MRO: variants seen among roughly 807,000 people sequenced by gnomAD.
MRO encodes maestro.
In MRO, 28 loss-of-function variants were observed where a neutral mutation model predicts 31.0. The ratio of observed to expected loss-of-function variants is 0.90; its 90% CI spans 0.67 to 1.24. The LOEUF is 1.24. Ranked by LOEUF, MRO falls within the 50% of genes most tolerant of loss-of-function variation. The pLI, the probability that MRO is intolerant of heterozygous loss-of-function variation, is 0.00. For missense variants in MRO, 332 were observed against 289.2 expected, an observed-to-expected ratio of 1.15 and a Z score of -1.07; for synonymous variants, 108 against 108.4, an observed-to-expected ratio of 1.00 and a Z score of 0.02.
Position 50,798,626 on chromosome 18 carries a change from A to C in MRO, c.*711T>G, listed in dbSNP as rs1357811174. 6.6e-6 allele frequency: 1 copy of C among 152,212 alleles called. No homozygotes were observed. Among genetic ancestry groups the C allele is most frequent in the Non-Finnish European group, 1.5e-5 (1 of 68,052 alleles). The allele number at this position is 152,212 out of a possible 1,614,324, so 9.4% of individuals were successfully genotyped here. ...TTGTCGCAAGTATTAAATAGAACTT[A>C]CAAAAAGCACTTTGACCGTGCCCAC... On this transcript the variant is annotated 3_prime_UTR_variant, in exon 8 of 8. Transcript: ENST00000398439.
chr18:50,811,069 A>G (rs1371813744), intron 2 of MRO, among the ~76,000 whole-genome samples: 2 of 152,188 alleles, frequency 1.3e-5, no homozygotes, highest in Non-Finnish European at 2.9e-5. Flanking sequence ...GATCCCATGC[A>G]GTATCATGGT....
chr18:50,803,958 T>A (rs1913661860), intron 5 of MRO, among the ~76,000 whole-genome samples: 1 of 152,264 alleles, frequency 6.6e-6, no homozygotes, highest in Admixed American at 6.5e-5. Context: ...TCTTCTCAGT[T>A]TCGGGCTGAA....
In MRO at chr18:50,809,316, A is replaced by G; in HGVS notation, c.85T>C (p.Ser29Pro). Residue 29 changes from serine to proline, a missense_variant, in exon 3 of 8, where the codon TCT (serine) becomes CCT (proline). Transcript: ENST00000398439. ...TTGTGTCAGACCTTGGAAAAGAAAG[A>G]TATCATTGATGTCCTTTTCTGCTTG... ...QPKQKRTSMI[S>P]FFSKVSWKLR... is the part of the protein sequence containing the mutation. 6.2e-7 allele frequency: 1 copy of G among 1,612,936 alleles called. No homozygotes were observed. The highest frequency in any genetic ancestry group is 8.5e-7 in the Non-Finnish European group (1 of 1,179,230).
chr18:50,821,030 T>C (rs774721500), upstream of MRO, among the ~76,000 whole-genome samples: 3 of 152,210 alleles, frequency 2.0e-5, no homozygotes, highest in Non-Finnish European at 4.4e-5. Flanking sequence ...GAAAGGAAGC[T>C]AGACTGCAAA....
intron 3 of MRO, among the ~76,000 whole-genome samples, chr18:50,808,156 G>A (rs141566238): frequency 1.0e-3 from 156 of 152,334 alleles, no homozygotes; most frequent in African/African-American, 3.5e-3. Flanking sequence ...TGGGGCAAGA[G>A]ATAGGCTAGT....
intron 2 of MRO, among the ~76,000 whole-genome samples, chr18:50,816,972 G>C (rs953931642): frequency 2.0e-5 from 3 of 152,112 alleles, no homozygotes; most frequent in Non-Finnish European, 4.4e-5. Flanking sequence ...TGCAAGATTA[G>C]CATAACAGCT....
rs376569285 is a variant in MRO at position 50,802,150 on chromosome 18, T to G, written c.430-646A>C. On this transcript the variant is annotated intron_variant, in intron 5 of 7. Coordinates refer to ENST00000398439, the MANE Select transcript of MRO (RefSeq NM_031939.6). ...TTTTCTTTTTTCTCTTTTTCTTTTC[T>G]GCACCAAAATTCATTCAACCAGTTC... is the stretch of plus-strand genomic sequence containing the variant. Among the ~76,000 whole-genome samples, 3 of 152,356 alleles carry G rather than the reference T, an allele frequency of 2.0e-5. No individual in the cohort carries two copies. The East Asian group carries it at 5.8e-4, about 29-fold the overall frequency.
chr18:50,803,341 T>A (rs1913587409), intron 5 of MRO, among the ~76,000 whole-genome samples: 1 of 151,848 alleles, frequency 6.6e-6, no homozygotes, highest in Admixed American at 6.5e-5. Context: ...ACCCTATCTC[T>A]ACAAAAACTA....
intron 5 of MRO, among the ~76,000 whole-genome samples, chr18:50,802,307 T>A (rs1913414099): frequency 6.6e-6 from 1 of 152,186 alleles, no homozygotes; most frequent in Non-Finnish European, 1.5e-5. Flanking sequence ...GCTTCCAGTC[T>A]GATTGGTTGG....
Position 50,809,380 on chromosome 18 carries a change from T to G in MRO, c.21A>C (p.Arg7Ser), listed in dbSNP as rs1914269296. 1.2e-6 allele frequency: 2 copies of G among 1,613,324 alleles called. No homozygotes were observed. The highest frequency in any genetic ancestry group is 1.7e-5 in the Admixed American group (1 of 59,924). Residue 7 changes from arginine to serine, a missense_variant, in exon 3 of 8, where the codon AGA becomes AGC. Transcript: ENST00000398439. The stretch of plus-strand genomic sequence containing the variant: ...GGATGGAAAGGGGCTGGCCCAGGAT[T>G]CTCCTCTGTCTTTGGTCCATGGAAC... MDQRQRRILGQPLSIPT... is the reference protein window; with the variant it reads MDQRQRSILGQPLSIPT...
rs199725891 is a variant in MRO, at chr18:50,806,757, G to A, written c.193C>T (p.Arg65Cys). 1.2e-5 allele frequency: 20 copies of A among 1,614,110 alleles called. No homozygotes were observed. Among genetic ancestry groups the A allele is most frequent in the Middle Eastern group, 3.3e-4 (2 of 6,062 alleles). Reference protein sequence around the residue: ...ERARDPSAKKRHMAMRNLGTM... With the variant: ...ERARDPSAKKCHMAMRNLGTM... Reference sequence around the variant, plus strand: ...CCCAAGTTTCTCATTGCCATGTGACGCTTTTTAGCACTGGGGTCCCGAGCT... The same window carrying A: ...CCCAAGTTTCTCATTGCCATGTGACACTTTTTAGCACTGGGGTCCCGAGCT... Residue 65 changes from arginine (R) to cysteine (C), a missense_variant, in exon 4 of 8, where the codon CGT becomes TGT. Physicochemically the swap from Arg to Cys is radical, Grantham distance 180 (BLOSUM62 -3). Transcript: ENST00000398439.
At position 50,816,654 on chromosome 18, in the gene MRO, T is replaced by C. The variant is rs115693791; in HGVS notation, c.-5+2927A>G. ...ACCATGATCTAAATGGGTGCTGACATGTGGAGAGAATATTTGTACGCTTGC... is the reference window on the plus strand; with the variant it reads ...ACCATGATCTAAATGGGTGCTGACACGTGGAGAGAATATTTGTACGCTTGC... On this transcript the variant is annotated intron_variant, in intron 2 of 7. Transcript: ENST00000398439. Among the ~76,000 whole-genome samples the C allele has an allele frequency of 1.4e-3, 219 of 152,244 alleles. 2 individuals carry two copies. The highest frequency in any genetic ancestry group is 5.0e-3 in the African/African-American group (206 of 41,544).
At chr18:50,822,162 C>T (rs17736031), upstream of MRO, among the ~76,000 whole-genome samples, 17,940 of 152,104 alleles carry the variant, frequency 0.12, 1,118 homozygotes, top group South Asian at 0.15. Flanking sequence ...TTAACATTTC[C>T]TTATTGCCAG....
At chr18:50,811,811 T>C (rs1038580080) in intron 2 of MRO, among the ~76,000 whole-genome samples, 4 of 143,454 alleles carry the variant, frequency 2.8e-5, no homozygotes, top group Non-Finnish European at 4.5e-5. Flanking sequence ...TGGAATGCAG[T>C]AGCTCACTGC....
chr18:50,815,539 A>G, intron 2 of MRO: 2 of 310,504 alleles, frequency 6.4e-6, no homozygotes, highest in Non-Finnish European at 1.3e-5. Flanking sequence ...GCAGTGGTGG[A>G]TGATATGATG....
At chr18:50,807,407 C>G (rs1226209954) in intron 3 of MRO, among the ~76,000 whole-genome samples, 4 of 152,186 alleles carry the variant, frequency 2.6e-5, no homozygotes, top group Non-Finnish European at 2.9e-5. Flanking sequence ...TTCCAAGGGT[C>G]AGTTCTCAGT....
Position 50,809,616 on chromosome 18 carries a change from G to C in MRO, c.-4-212C>G, listed in dbSNP as rs180805987. ...AGAGGAATAGCAGCTTGGGGGTCAA[G>C]GGGGATCTGCCCTCTAGTTCCCCAC... On this transcript the variant is annotated intron_variant, in intron 2 of 7. Coordinates refer to ENST00000398439, the MANE Select transcript of MRO (RefSeq NM_031939.6). 3.7e-3 allele frequency among the ~76,000 whole-genome samples: 569 copies of C among 152,240 alleles called. 2 individuals are homozygous for C. Among genetic ancestry groups the C allele is most frequent in the Non-Finnish European group, 6.4e-3 (438 of 68,012 alleles).
At chr18:50,807,061 G>A (rs993216315) in intron 3 of MRO, among the ~76,000 whole-genome samples, 1 of 152,160 alleles carries the variant, frequency 6.6e-6, no homozygotes, top group African/African-American at 2.4e-5. Context: ...AATAAAGATA[G>A]TGCAGGCTGG....
At chr18:50,800,222 C>T (rs560634369) in intron 6 of MRO, 79 bp from the exon 7 acceptor site, 3 of 1,022,188 alleles carry the variant, frequency 2.9e-6, no homozygotes, top group East Asian at 2.6e-5. Flanking sequence ...TAGAGGATTG[C>T]ACCCAATCTG....
Sources: allele counts gnomAD v4.1 joint callset (sites outside exome capture counted in the v4.1 genomes callset), GRCh38; gene constraint gnomAD v4.1.1; transcripts MANE v1.5; gene names NCBI Gene and HGNC (gene_info 2026-07-23, HGNC 2026-07-21).